The following LGSN variants were observed in gnomAD, a reference collection of about 807,000 sequenced individuals.
LGSN encodes lengsin, lens protein with glutamine synthetase domain.
In LGSN, 21 loss-of-function variants were observed where a neutral mutation model predicts 19.5. That is an observed-to-expected ratio of 1.07 (90% CI 0.76 to 1.55). The LOEUF (loss-of-function observed/expected upper bound fraction) is 1.55. Ranked by LOEUF, LGSN falls within the 40% of genes most tolerant of loss-of-function variation. The probability of loss-of-function intolerance (pLI) is 0.00; values close to 1 mark genes in which losing one functional copy is unlikely to be tolerated. For synonymous variants in LGSN, 257 were observed against 215.6 expected, an observed-to-expected ratio of 1.19 and a Z score of -1.68; for missense variants, 673 against 608.5, an observed-to-expected ratio of 1.11 and a Z score of -1.12.
At chr6:63,384,213 C>A in the LGSN span, among the ~76,000 whole-genome samples, 1 of 152,176 alleles carries the variant, frequency 6.6e-6, no homozygotes, top group Admixed American at 6.5e-5. Context: ...TCTCTTCCTG[C>A]CACGAGAACC....
the LGSN span, among the ~76,000 whole-genome samples, chr6:63,479,532 G>A: frequency 3.3e-5 from 5 of 152,156 alleles, no homozygotes; most frequent in South Asian, 4.2e-4. Flanking sequence ...GAGGTCAGGA[G>A]ATCGAGACCA....
upstream of LGSN, among the ~76,000 whole-genome samples, chr6:63,322,403 T>C (rs1769105691): frequency 6.6e-6 from 1 of 152,194 alleles, no homozygotes; most frequent in Admixed American, 6.5e-5. Flanking sequence ...ATCTTTCTTA[T>C]GACCTTCATG....
chr6:63,505,665 T>C, the LGSN span, among the ~76,000 whole-genome samples: 1 of 151,424 alleles, frequency 6.6e-6, no homozygotes, highest in African/African-American at 2.4e-5. Context: ...TTTTGTTTTG[T>C]TTTGTTTTGT....
At chr6:63,359,351 A>T in the LGSN span, among the ~76,000 whole-genome samples, 5 of 152,324 alleles carry the variant, frequency 3.3e-5, no homozygotes, top group South Asian at 1.0e-3. Context: ...GCCTCATAAA[A>T]TGAGTTAGAG....
Position 63,280,417 on chromosome 6 carries a change from C to T in LGSN, c.1134G>A (p.Lys378=). The change falls in exon 4 of 4, where the codon AAG becomes AAA. Residue 378 remains lysine (K), a synonymous_variant. Transcript: ENST00000370657. ...TGTATCCCCATGTTGTAGGCACACTCTTCTTCAGGTCTTTCCTGTCCTTGG... is the reference window on the plus strand; with the variant it reads ...TGTATCCCCATGTTGTAGGCACACTTTTCTTCAGGTCTTTCCTGTCCTTGG... ...RYSKDRKDLK[K]SVPTTWGYND... is the part of the protein sequence containing the mutation. 2 of 1,614,158 alleles carry T rather than the reference C, an allele frequency of 1.2e-6. No individual in the cohort carries two copies. Among genetic ancestry groups the T allele is most frequent in the Non-Finnish European group, 1.7e-6 (2 of 1,180,018 alleles).
chr6:63,423,182 A>T, the LGSN span, among the ~76,000 whole-genome samples: 1 of 152,200 alleles, frequency 6.6e-6, no homozygotes, highest in Non-Finnish European at 1.5e-5. Context: ...TCCTGTCTCT[A>T]CAAAAAATAA....
At chr6:63,459,567 A>G in the LGSN span, among the ~76,000 whole-genome samples, 11 of 151,864 alleles carry the variant, frequency 7.2e-5, no homozygotes, top group Non-Finnish European at 1.2e-4. Flanking sequence ...GCCGCCCCCA[A>G]CAAATCTATT....
the LGSN span, among the ~76,000 whole-genome samples, chr6:63,460,404 C>G: frequency 6.6e-6 from 1 of 152,106 alleles, no homozygotes; most frequent in Non-Finnish European, 1.5e-5. Context: ...AGTCTAATAA[C>G]TTTCCTAACA....
the LGSN span, among the ~76,000 whole-genome samples, chr6:63,362,554 C>A: frequency 6.6e-6 from 1 of 152,148 alleles, no homozygotes; most frequent in African/African-American, 2.4e-5. Context: ...ATTATATCCC[C>A]CGCCTGGCTC....
the LGSN span, among the ~76,000 whole-genome samples, chr6:63,377,021 G>C: frequency 6.6e-6 from 1 of 151,986 alleles, no homozygotes; most frequent in Non-Finnish European, 1.5e-5. Context: ...ATTACTTTAG[G>C]TGCAAATGAT....
At chr6:63,409,758 G>A in the LGSN span, among the ~76,000 whole-genome samples, 4 of 152,222 alleles carry the variant, frequency 2.6e-5, no homozygotes, top group South Asian at 2.1e-4. Flanking sequence ...TACCTCAGCC[G>A]GGTGTGGCAG....
the LGSN span, among the ~76,000 whole-genome samples, chr6:63,357,531 G>A: frequency 7.2e-5 from 11 of 152,184 alleles, no homozygotes; most frequent in Non-Finnish European, 1.2e-4. Flanking sequence ...ATTCTAACTA[G>A]TGTGAGATGG....
chr6:63,304,579 A>T (rs1768307974), intron 1 of LGSN, among the ~76,000 whole-genome samples: 1 of 152,196 alleles, frequency 6.6e-6, no homozygotes, highest in Admixed American at 6.5e-5. Flanking sequence ...TAATTAAAAC[A>T]TGTAGACTTT....
the LGSN span, among the ~76,000 whole-genome samples, chr6:63,491,398 G>A: frequency 2.0e-5 from 3 of 151,800 alleles, no homozygotes; most frequent in East Asian, 5.8e-4. Context: ...TAAGCTGGAA[G>A]ACCCTAGGTC....
intron 3 of LGSN, among the ~76,000 whole-genome samples, chr6:63,282,504 T>C (rs1338967453): frequency 6.6e-6 from 1 of 152,184 alleles, no homozygotes; most frequent in Non-Finnish European, 1.5e-5. Flanking sequence ...TGTGTATCCT[T>C]ACATGGTGGA....
the LGSN span, among the ~76,000 whole-genome samples, chr6:63,561,787 A>G: frequency 6.6e-6 from 1 of 152,238 alleles, no homozygotes; most frequent in African/African-American, 2.4e-5. Flanking sequence ...ACAAATACAC[A>G]TTGAAAGTAA....
intron 2 of LGSN, among the ~76,000 whole-genome samples, chr6:63,290,631 G>T (rs1331694943): frequency 6.6e-6 from 1 of 152,204 alleles, no homozygotes; most frequent in East Asian, 1.9e-4. Context: ...AGGTAGTCTA[G>T]ATGGGCAGGC....
the LGSN span, among the ~76,000 whole-genome samples, chr6:63,477,351 C>T: frequency 2.0e-5 from 3 of 152,126 alleles, no homozygotes; most frequent in Admixed American, 1.3e-4. Context: ...TTTAATCATT[C>T]TTCTTTTGTT....
the LGSN span, among the ~76,000 whole-genome samples, chr6:63,526,442 C>T: frequency 1.3e-5 from 2 of 151,960 alleles, no homozygotes; most frequent in Non-Finnish European, 2.9e-5. Flanking sequence ...TTCCCAGAAT[C>T]AGAGCCAATC....
Sources: allele counts gnomAD v4.1 joint callset (sites outside exome capture counted in the v4.1 genomes callset), GRCh38; gene constraint gnomAD v4.1.1; transcripts MANE v1.5; gene names NCBI Gene and HGNC (gene_info 2026-07-23, HGNC 2026-07-21).